Variants in EHMT1 observed in about 807,000 individuals in gnomAD.
The protein encoded by EHMT1 is histone-lysine N-methyltransferase EHMT1.
EHMT1 carries 15 observed loss-of-function variants against 147.2 expected under a neutral mutation model. The observed-to-expected ratio is 0.10, with a 90% CI of 0.07 to 0.16. The LOEUF (loss-of-function observed/expected upper bound fraction) is 0.16, where lower values mean the gene tolerates loss of function less well. EHMT1 is among the 10% of genes least tolerant of loss of function. The probability of loss-of-function intolerance (pLI) is 1.00; values close to 1 mark genes in which losing one functional copy is unlikely to be tolerated. For missense variants in EHMT1, 1,587 were observed against 1,772.4 expected (o/e 0.90, Z 1.88); for synonymous variants, 795 against 709.6 (o/e 1.12, Z -1.91).
In EHMT1 at chr9:137,659,631, C is replaced by T. The variant is rs547424988; in HGVS notation, c.21+40582C>T. On this transcript the variant is annotated intron_variant, in intron 1 of 26. Coordinates refer to ENST00000460843, the MANE Select transcript of EHMT1 (RefSeq NM_024757.5). Reference sequence around the variant, plus strand: ...CAGTGGGTGCAATCATGGTTCACTGCGGCCTTGACCTCCCTTGCCTAGGTG... The same window carrying T: ...CAGTGGGTGCAATCATGGTTCACTGTGGCCTTGACCTCCCTTGCCTAGGTG... Among the ~76,000 whole-genome samples, 17 of 151,350 alleles carry T rather than the reference C, an allele frequency of 1.1e-4. No individual in the cohort carries two copies. The South Asian group carries it at 1.3e-3, about 11-fold the overall frequency.
At chr9:137,779,837 T>C in intron 14 of EHMT1, 120 bp downstream of exon 14, 1 of 1,077,764 alleles carries the variant, frequency 9.3e-7, no homozygotes. Flanking sequence ...TGTTTCTGTG[T>C]CTCCGAGTTC....
At chr9:137,685,167 C>T (rs1942320188) in intron 1 of EHMT1, 1 of 152,122 alleles carries the variant, frequency 6.6e-6, no homozygotes, top group Non-Finnish European at 1.5e-5. Flanking sequence ...CACAGTGTTG[C>T]ATAACAACCA....
intron 3 of EHMT1, among the ~76,000 whole-genome samples, chr9:137,726,193 C>T (rs113234616): frequency 3.9e-5 from 6 of 152,282 alleles, no homozygotes; most frequent in African/African-American, 9.6e-5. Flanking sequence ...TTCACGCTGC[C>T]GTGCAGCCAT....
At chr9:137,802,064 C>T (rs1953533708) in intron 18 of EHMT1, among the ~76,000 whole-genome samples, 2 of 152,206 alleles carry the variant, frequency 1.3e-5, no homozygotes, top group South Asian at 4.1e-4. Flanking sequence ...GAGTTTGGAG[C>T]TGAGATAGGA....
At chr9:137,638,623 C>G (rs1844257653) in intron 1 of EHMT1, among the ~76,000 whole-genome samples, 1 of 152,184 alleles carries the variant, frequency 6.6e-6, no homozygotes, top group South Asian at 2.1e-4. Flanking sequence ...TGTTGAAGTC[C>G]TAAACCCCAT....
chr9:137,715,838 A>G (rs1304669760), intron 2 of EHMT1: 14 of 985,156 alleles, frequency 1.4e-5, no homozygotes, highest in Non-Finnish European at 1.6e-5. Context: ...TTCTATCTCC[A>G]AATAACACTC....
intron 1 of EHMT1, among the ~76,000 whole-genome samples, chr9:137,676,687 G>C (rs1032068145): frequency 1.3e-5 from 2 of 152,248 alleles, no homozygotes; most frequent in Non-Finnish European, 1.5e-5. Context: ...CAGGGGACTG[G>C]AGTCCGCATG....
At chr9:137,623,479 A>C (rs931606646) in intron 1 of EHMT1, among the ~76,000 whole-genome samples, 1 of 151,532 alleles carries the variant, frequency 6.6e-6, no homozygotes. Context: ...CAGTGGCACT[A>C]TCTCTGCTAA....
intron 1 of EHMT1, among the ~76,000 whole-genome samples, chr9:137,639,857 A>G (rs189331366): frequency 8.2e-4 from 125 of 152,328 alleles, no homozygotes; most frequent in African/African-American, 3.0e-3. Flanking sequence ...CCCATTAATC[A>G]GCCAGAGGAG....
At chr9:137,722,795 G>A (rs1433242607) in intron 3 of EHMT1, among the ~76,000 whole-genome samples, 5 of 152,172 alleles carry the variant, frequency 3.3e-5, no homozygotes, top group African/African-American at 4.8e-5. Context: ...TGGGCCCCAC[G>A]GAGGTGGTGT....
chr9:137,813,389 C>T lies in EHMT1; in HGVS notation c.3039C>T (p.Asp1013=), dbSNP rs139554200. Residue 1013 remains aspartate (D), a synonymous_variant, in exon 21 of 27, where the codon GAC becomes GAT. Transcript: ENST00000460843. The surrounding 1 kb of genome is among the most constrained non-coding windows in gnomAD (Gnocchi z 4.9). ...PSPVERIVSR[D]IARGYERIPI... ...ACACCTGTCCTTTCCATGGCAGGGA[C>T]ATCGCTCGAGGCTACGAGCGCATCC... 6 of 1,610,816 alleles carry T rather than the reference C, an allele frequency of 3.7e-6. No individual in the cohort carries two copies. In the East Asian group the frequency reaches 1.1e-4, roughly 30 times the overall value.
intron 4 of EHMT1, among the ~76,000 whole-genome samples, chr9:137,729,267 G>GGT (rs1278224061): frequency 2.6e-5 from 4 of 152,218 alleles, no homozygotes; most frequent in Non-Finnish European, 5.9e-5. Context: ...CCTGGCCACA[G>GGT]GTGTCTGTCT....
At chr9:137,816,692 A>G (rs1954945236) in intron 23 of EHMT1, 1 of 166,096 alleles carries the variant, frequency 6.0e-6, no homozygotes, top group East Asian at 1.6e-4. Context: ...AAAGTTATGC[A>G]CACTTAAATT....
Position 137,813,601 on chromosome 9 carries a change from G to A in EHMT1, c.3180+71G>A. 6.3e-7 allele frequency: 1 copy of A among 1,598,428 alleles called. No homozygotes were observed. Among genetic ancestry groups the A allele is most frequent in the African/African-American group, 1.3e-5 (1 of 74,862 alleles). On this transcript the variant is annotated intron_variant, in intron 21 of 26. Coordinates refer to ENST00000460843, the MANE Select transcript of EHMT1 (RefSeq NM_024757.5). The surrounding 1 kb of genome is among the most constrained non-coding windows in gnomAD (Gnocchi z 4.9). ...CAGGCAGAAGCTTCTTGAGCCTGGG[G>A]TCCTGGGTTCTCACCACTCAGAGCA...
Position 137,813,919 on chromosome 9 carries a change from G to C in EHMT1, c.3180+389G>C, listed in dbSNP as rs1196952168. ...CACCTCCCAGCCCCCGGAGAGATGG[G>C]TCCAGCACATGCCAGCTTTCCCAGC... is the stretch of plus-strand genomic sequence containing the variant. On this transcript the variant is annotated intron_variant, in intron 21 of 26. Coordinates refer to ENST00000460843, the MANE Select transcript of EHMT1 (RefSeq NM_024757.5). The surrounding 1 kb of genome is among the most constrained non-coding windows in gnomAD (Gnocchi z 4.9). Among the ~76,000 whole-genome samples the C allele has an allele frequency of 6.6e-6, 1 of 152,126 alleles. No individual in the cohort carries two copies.
At chr9:137,751,269 G>A (rs1948946296) in intron 6 of EHMT1, among the ~76,000 whole-genome samples, 3 of 152,216 alleles carry the variant, frequency 2.0e-5, no homozygotes, top group Admixed American at 1.3e-4. Flanking sequence ...CCTTTGACTT[G>A]TTCAGATAAA....
At chr9:137,665,632 A>G (rs768834710) in intron 1 of EHMT1, among the ~76,000 whole-genome samples, 1 of 151,742 alleles carries the variant, frequency 6.6e-6, no homozygotes, top group Non-Finnish European at 1.5e-5. Context: ...TTTTGTTAGT[A>G]TTTTTTCAAC....
intron 1 of EHMT1, among the ~76,000 whole-genome samples, chr9:137,668,896 C>A (rs765571122): frequency 6.7e-6 from 1 of 148,254 alleles, no homozygotes; most frequent in African/African-American, 2.4e-5. Context: ...AAGTTGTTTT[C>A]TTTTTTTGGA....
At chr9:137,702,215 A>G (rs1420144105) in intron 1 of EHMT1, among the ~76,000 whole-genome samples, 1 of 152,182 alleles carries the variant, frequency 6.6e-6, no homozygotes, top group Non-Finnish European at 1.5e-5. Context: ...TCACATTTCA[A>G]AACACAAATA....
Sources: allele counts gnomAD v4.1 joint callset (sites outside exome capture counted in the v4.1 genomes callset), GRCh38; gene constraint gnomAD v4.1.1; non-coding constraint Gnocchi (gnomAD v3.1); transcripts MANE v1.5; gene names NCBI Gene and HGNC (gene_info 2026-07-23, HGNC 2026-07-21).